The following NALF1 variants were observed in gnomAD, a reference collection of about 807,000 sequenced individuals.
NALF1 encodes the protein NALCN channel auxiliary factor 1.
In NALF1, 3 loss-of-function variants were observed where a neutral mutation model predicts 48.4. That is an observed-to-expected ratio of 0.06 (90% CI 0.03 to 0.16). NALF1 has a LOEUF of 0.16. NALF1 is among the 10% of genes least tolerant of loss of function. The pLI is 1.00. For missense variants in NALF1, 526 were observed against 571.5 expected (o/e 0.92, Z 0.81); for synonymous variants, 262 against 245.7 (o/e 1.07, Z -0.62).
At chr13:107,689,247 G>T (rs763770790) in intron 1 of NALF1, among the ~76,000 whole-genome samples, 2 of 152,054 alleles carry the variant, frequency 1.3e-5, no homozygotes, top group African/African-American at 2.4e-5. Flanking sequence ...TCATCTGTTC[G>T]CCCTCTTCCA....
intron 1 of NALF1, among the ~76,000 whole-genome samples, chr13:107,709,033 G>A (rs886332363): frequency 2.0e-5 from 3 of 152,060 alleles, no homozygotes; most frequent in African/African-American, 4.8e-5. Context: ...TAACCACAAC[G>A]ATAACAACAG....
At chr13:107,411,179 T>C (rs534497644) in intron 1 of NALF1, among the ~76,000 whole-genome samples, 4 of 152,232 alleles carry the variant, frequency 2.6e-5, no homozygotes, top group African/African-American at 9.6e-5. Flanking sequence ...TTCGAGGACA[T>C]GTAAGGATGT....
At chr13:107,194,449 G>T (rs1166112976) in intron 2 of NALF1, among the ~76,000 whole-genome samples, 1 of 152,102 alleles carries the variant, frequency 6.6e-6, no homozygotes, top group East Asian at 1.9e-4. Context: ...CTTTGACAAA[G>T]CATACGAAAA....
At chr13:107,441,972 A>G (rs1884567123) in intron 1 of NALF1, among the ~76,000 whole-genome samples, 1 of 150,774 alleles carries the variant, frequency 6.6e-6, no homozygotes. Flanking sequence ...AGCAATGTCA[A>G]ATACAGTAAG....
intron 2 of NALF1, among the ~76,000 whole-genome samples, chr13:107,200,652 C>G (rs1260684138): frequency 6.6e-6 from 1 of 152,086 alleles, no homozygotes; most frequent in East Asian, 1.9e-4. Context: ...CTCAAATGGC[C>G]ATTAGTCAGG....
intron 1 of NALF1, among the ~76,000 whole-genome samples, chr13:107,210,966 C>A (rs144246045): frequency 6.6e-6 from 1 of 152,312 alleles, no homozygotes; most frequent in East Asian, 1.9e-4. Context: ...TATTTGATTG[C>A]ATCCCTAATA....
chr13:107,634,937 TAGG>T (rs1879934217), intron 1 of NALF1, among the ~76,000 whole-genome samples: 1 of 152,126 alleles, frequency 6.6e-6, no homozygotes, highest in Admixed American at 6.6e-5. Flanking sequence ...GTCCCACAAG[TAGG>T]AGTATAAGAT....
chr13:107,732,436 G>A (rs1230265306), intron 1 of NALF1, among the ~76,000 whole-genome samples: 1 of 152,114 alleles, frequency 6.6e-6, no homozygotes, highest in Non-Finnish European at 1.5e-5. Flanking sequence ...ATGAAAAAAT[G>A]TATTAGTTAC....
chr13:107,512,266 C>A (rs1245998660), intron 1 of NALF1, among the ~76,000 whole-genome samples: 1 of 152,128 alleles, frequency 6.6e-6, no homozygotes, highest in Non-Finnish European at 1.5e-5. Flanking sequence ...AGGTAGCACA[C>A]ACCTATAGTC....
At chr13:107,858,568 A>C (rs1880493225) in intron 1 of NALF1, among the ~76,000 whole-genome samples, 1 of 152,180 alleles carries the variant, frequency 6.6e-6, no homozygotes, top group African/African-American at 2.4e-5. Flanking sequence ...CACACCTGTA[A>C]TCCCAGCTAC....
intron 1 of NALF1, among the ~76,000 whole-genome samples, chr13:107,776,923 T>C (rs542439247): frequency 3.5e-4 from 53 of 152,208 alleles, no homozygotes; most frequent in Non-Finnish European, 4.4e-4. Context: ...GGATCCTATC[T>C]GTACAAAAAA....
chr13:107,248,463 G>C (rs929221031), intron 1 of NALF1, among the ~76,000 whole-genome samples: 23 of 151,366 alleles, frequency 1.5e-4, no homozygotes, highest in African/African-American at 5.3e-4. Flanking sequence ...CTAAATTCTT[G>C]CAAAAATTTA....
intron 1 of NALF1, among the ~76,000 whole-genome samples, chr13:107,284,508 A>T (rs1303952679): frequency 6.6e-6 from 1 of 152,192 alleles, no homozygotes; most frequent in Non-Finnish European, 1.5e-5. Context: ...ATGTGTGAAA[A>T]AAACTAAAAT....
intron 1 of NALF1, among the ~76,000 whole-genome samples, chr13:107,405,061 G>A (rs1344459422): frequency 2.0e-5 from 3 of 151,996 alleles, no homozygotes; most frequent in Admixed American, 2.0e-4. Flanking sequence ...TATAGGATCT[G>A]TGCACTTTAT....
Position 107,391,056 on chromosome 13 carries a change from T to C in NALF1, c.916-180301A>G, listed in dbSNP as rs538296840. Among the ~76,000 whole-genome samples the C allele has an allele frequency of 2.0e-5, 3 of 152,320 alleles. No homozygotes were observed. In the South Asian group the frequency reaches 6.2e-4, roughly 32 times the overall value. Reference sequence around the variant, plus strand: ...GTGGAGGAAGGAGCATCAGTGCAGATGTCACTACTACCCAGGACACAGGAT... The same window carrying C: ...GTGGAGGAAGGAGCATCAGTGCAGACGTCACTACTACCCAGGACACAGGAT... On this transcript the variant is annotated intron_variant, in intron 1 of 2. Transcript: ENST00000375915.
chr13:107,343,904 T>A (rs948889230), intron 1 of NALF1, among the ~76,000 whole-genome samples: 2 of 151,636 alleles, frequency 1.3e-5, no homozygotes, highest in African/African-American at 4.8e-5. Context: ...AGAAAAAAAA[T>A]TAAACACAGA....
chr13:107,367,680 G>A (rs569449569), intron 1 of NALF1, among the ~76,000 whole-genome samples: 13 of 152,274 alleles, frequency 8.5e-5, no homozygotes, highest in Admixed American at 3.3e-4. Flanking sequence ...GGGCAGAAGC[G>A]TACTGATGCC....
intron 2 of NALF1, among the ~76,000 whole-genome samples, chr13:107,188,601 G>T (rs1879223729): frequency 6.6e-6 from 1 of 152,126 alleles, no homozygotes; most frequent in South Asian, 2.1e-4. Flanking sequence ...AGATGTATCA[G>T]ATCTGTAATG....
chr13:107,298,143 A>T (rs1881759974), intron 1 of NALF1, among the ~76,000 whole-genome samples: 1 of 151,880 alleles, frequency 6.6e-6, no homozygotes, highest in Admixed American at 6.6e-5. Flanking sequence ...AGGTCAGGAG[A>T]TCGAGACCAT....
Sources: gnomAD v4.1 joint callset for allele counts (sites outside exome capture counted in the v4.1 genomes callset) on GRCh38, gnomAD v4.1.1 for gene constraint, MANE v1.5 for transcripts, NCBI Gene and HGNC (gene_info 2026-07-23, HGNC 2026-07-21) for gene names.